Variants in SEMA6D observed in about 807,000 individuals in gnomAD.
SEMA6D encodes the protein semaphorin-6D.
Under a neutral mutation model 106.6 loss-of-function variants are expected in SEMA6D, and 35 were observed. The observed-to-expected ratio is 0.33, with a 90% CI of 0.25 to 0.44. SEMA6D has a LOEUF of 0.44. Among genes scored for constraint, SEMA6D ranks in the 20% least tolerant of loss-of-function variants. The pLI, the probability that SEMA6D is intolerant of heterozygous loss-of-function variation, is 1.00. For missense variants in SEMA6D, 1,185 were observed against 1,345.9 expected, an observed-to-expected ratio of 0.88 and a Z score of 1.87; for synonymous variants, 499 against 487.7, an observed-to-expected ratio of 1.02 and a Z score of -0.31.
At chr15:47,426,707 C>A (rs1190076768) in intron 2 of SEMA6D, among the ~76,000 whole-genome samples, 2 of 152,274 alleles carry the variant, frequency 1.3e-5, no homozygotes, top group Admixed American at 1.3e-4. Context: ...AACTCTTTCT[C>A]TCACACACAT....
intron 2 of SEMA6D, among the ~76,000 whole-genome samples, chr15:47,442,770 G>A (rs2041919667): frequency 6.6e-6 from 1 of 152,126 alleles, no homozygotes; most frequent in African/African-American, 2.4e-5. Flanking sequence ...CTCCTTTTCA[G>A]TGCACCATGA....
chr15:47,235,894 G>A (rs2032509049), intron 1 of SEMA6D, among the ~76,000 whole-genome samples: 2 of 152,034 alleles, frequency 1.3e-5, no homozygotes, highest in Non-Finnish European at 2.9e-5. Flanking sequence ...GGATCTTCCA[G>A]GGAATCATTA....
At chr15:47,740,067 C>G (rs895249431) in intron 1 of SEMA6D, among the ~76,000 whole-genome samples, 1 of 152,110 alleles carries the variant, frequency 6.6e-6, no homozygotes, top group Non-Finnish European at 1.5e-5. Flanking sequence ...TAAAGTAGAG[C>G]CTGCTTTTCC....
At chr15:47,347,475 GC>G (rs2038094042) in intron 1 of SEMA6D, among the ~76,000 whole-genome samples, 1 of 152,178 alleles carries the variant, frequency 6.6e-6, no homozygotes, top group Non-Finnish European at 1.5e-5. Flanking sequence ...TTAATGACCT[GC>G]TGGGCATCCA....
chr15:47,593,540 GA>G (rs201128256), intron 3 of SEMA6D, among the ~76,000 whole-genome samples: 186 of 139,440 alleles, frequency 1.3e-3, no homozygotes, highest in Non-Finnish European at 1.9e-3. Flanking sequence ...TAAATAATCA[GA>G]AAAAAAAAAG....
At chr15:47,746,915 G>A (rs1223410620) in intron 1 of SEMA6D, among the ~76,000 whole-genome samples, 2 of 149,898 alleles carry the variant, frequency 1.3e-5, no homozygotes, top group Admixed American at 6.7e-5. Context: ...AAAACCCTTC[G>A]GTTCCCCTGA....
At chr15:47,450,321 A>G (rs1348354729) in intron 2 of SEMA6D, among the ~76,000 whole-genome samples, 2 of 152,026 alleles carry the variant, frequency 1.3e-5, no homozygotes, top group Non-Finnish European at 2.9e-5. Context: ...GATGTGCTAG[A>G]TGATACTGGA....
At chr15:47,767,814 C>G (rs765569990) in intron 17 of SEMA6D, among the ~76,000 whole-genome samples, 166 of 152,324 alleles carry the variant, frequency 1.1e-3, no homozygotes, top group Non-Finnish European at 1.7e-3. Context: ...AGTTAACTCC[C>G]GGTCCTATTG....
At chr15:47,249,370 A>C (rs1294089532) in intron 1 of SEMA6D, among the ~76,000 whole-genome samples, 1 of 152,110 alleles carries the variant, frequency 6.6e-6, no homozygotes. Context: ...ATGAGTGCCT[A>C]GTCTCTGCAG....
In SEMA6D at chr15:47,764,223, G is replaced by C. The variant is rs751534934; in HGVS notation, c.1015G>C (p.Val339Leu). Residue 339 changes from valine to leucine, a missense_variant, in exon 11 of 19, where the codon GTA becomes CTA. Coordinates refer to ENST00000536845, the MANE Select transcript of SEMA6D (RefSeq NM_001358351.3). ...CAFSMDDIEK[V>L]FKGRFKEQKT... ...ATTTAGCATGGATGACATTGAAAAA[G>C]TATTCAAAGGACGGTTTAAGGAACA... 2.0e-5 allele frequency: 32 copies of C among 1,613,780 alleles called. No individual in the cohort carries two copies. Among genetic ancestry groups the C allele is most frequent in the Non-Finnish European group, 2.6e-5 (31 of 1,179,772 alleles).
chr15:47,288,871 A>G lies in SEMA6D; in HGVS notation c.-239+104453A>G, dbSNP rs188889961. Among the ~76,000 whole-genome samples the G allele has an allele frequency of 7.0e-4, 107 of 152,296 alleles. 2 individuals carry two copies. In the East Asian group the frequency reaches 0.019, roughly 26 times the overall value. On this transcript the variant is annotated intron_variant, in intron 1 of 19. Coordinates refer to the SEMA6D transcript ENST00000558014. ...AGCACAACTTAATCAACTAGTATTGAAATAATTCTGATTGGGAGCATACTA... is the reference window on the plus strand; with the variant it reads ...AGCACAACTTAATCAACTAGTATTGGAATAATTCTGATTGGGAGCATACTA...
intron 4 of SEMA6D, among the ~76,000 whole-genome samples, chr15:47,630,102 T>C (rs1157278355): frequency 6.6e-6 from 1 of 151,904 alleles, no homozygotes; most frequent in Non-Finnish European, 1.5e-5. Context: ...CAATTCTATT[T>C]TTAGGTTTCT....
chr15:47,571,401 A>G (rs2046378198), intron 3 of SEMA6D, among the ~76,000 whole-genome samples: 1 of 152,226 alleles, frequency 6.6e-6, no homozygotes. Flanking sequence ...TGCCAATTAC[A>G]GATGCTCTGC....
chr15:47,642,560 G>C (rs934066947), intron 4 of SEMA6D, among the ~76,000 whole-genome samples: 7 of 152,126 alleles, frequency 4.6e-5, no homozygotes, highest in African/African-American at 1.7e-4. Context: ...AGTTGGAGAG[G>C]CCAGGCTTGC....
At chr15:47,311,013 C>A (rs994883994) in intron 1 of SEMA6D, among the ~76,000 whole-genome samples, 11 of 152,142 alleles carry the variant, frequency 7.2e-5, no homozygotes, top group African/African-American at 2.7e-4. Context: ...GGTAAAATTC[C>A]AAACTAAGCC....
chr15:47,234,205 A>G (rs1384427748), intron 1 of SEMA6D, among the ~76,000 whole-genome samples: 1 of 152,028 alleles, frequency 6.6e-6, no homozygotes, highest in Non-Finnish European at 1.5e-5. Context: ...AGCTCAGGAA[A>G]GACCTAAGAA....
chr15:47,659,226 C>A (rs2077867243), intron 4 of SEMA6D, among the ~76,000 whole-genome samples: 1 of 151,624 alleles, frequency 6.6e-6, no homozygotes, highest in Non-Finnish European at 1.5e-5. Flanking sequence ...CTACATTAAA[C>A]AATTTGATTT....
intron 2 of SEMA6D, among the ~76,000 whole-genome samples, chr15:47,413,869 T>C (rs2040877416): frequency 6.6e-6 from 1 of 152,194 alleles, no homozygotes; most frequent in Non-Finnish European, 1.5e-5. Context: ...AATGTGACTT[T>C]GAACAGCCTG....
chr15:47,657,183 GA>G (rs960112665), intron 4 of SEMA6D, among the ~76,000 whole-genome samples: 5 of 152,142 alleles, frequency 3.3e-5, no homozygotes, highest in African/African-American at 1.2e-4. Flanking sequence ...AACATTTATA[GA>G]AAAAAGTGAT....
Sources: allele counts gnomAD v4.1 joint callset (sites outside exome capture counted in the v4.1 genomes callset), GRCh38; gene constraint gnomAD v4.1.1; transcripts MANE v1.5; gene names NCBI Gene and HGNC (gene_info 2026-07-23, HGNC 2026-07-21).